PTPRM: variants seen among roughly 807,000 people sequenced by gnomAD.
PTPRM encodes the protein protein tyrosine phosphatase receptor type M.
In PTPRM, 47 loss-of-function variants were observed where a neutral mutation model predicts 186.7. The observed-to-expected ratio is 0.25, with a 90% CI of 0.20 to 0.32. The LOEUF is 0.32. Among genes scored for constraint, PTPRM ranks in the 10% least tolerant of loss-of-function variants. The pLI is 1.00. For missense variants in PTPRM, 1,494 were observed against 1,865.0 expected, an observed-to-expected ratio of 0.80 and a Z score of 3.66; for synonymous variants, 668 against 674.9, an observed-to-expected ratio of 0.99 and a Z score of 0.16.
chr18:8,215,846 A>G (rs2094076947), intron 14 of PTPRM, among the ~76,000 whole-genome samples: 1 of 151,978 alleles, frequency 6.6e-6, no homozygotes, highest in African/African-American at 2.4e-5. Context: ...CCAGGCAGCT[A>G]TTGCTTCTTA....
intron 13 of PTPRM, among the ~76,000 whole-genome samples, chr18:8,141,340 C>T (rs528324498): frequency 6.6e-6 from 1 of 152,324 alleles, no homozygotes; most frequent in South Asian, 2.1e-4. Flanking sequence ...TTGCTACCGT[C>T]ATCACGTTGC....
intron 24 of PTPRM, among the ~76,000 whole-genome samples, chr18:8,371,974 A>C (rs2095664923): frequency 1.3e-5 from 2 of 149,808 alleles, no homozygotes; most frequent in South Asian, 4.3e-4. Flanking sequence ...CTCATGTAAT[A>C]GTAGCAGGTC....
intron 11 of PTPRM, among the ~76,000 whole-genome samples, chr18:8,111,147 C>T (rs117412047): frequency 0.015 from 2,209 of 152,314 alleles, 20 homozygotes; most frequent in South Asian, 0.055. Context: ...GGCACCTGGC[C>T]TAGCACTTCC....
At chr18:8,146,501 G>GTTT (rs56070404) in intron 14 of PTPRM, among the ~76,000 whole-genome samples, 59 of 149,260 alleles carry the variant, frequency 4.0e-4, no homozygotes, top group Admixed American at 2.1e-3. Context: ...TAATGGGATT[G>GTTT]TTTTTTTTTT....
At chr18:8,071,254 T>A (rs577008882) in intron 8 of PTPRM, among the ~76,000 whole-genome samples, 1 of 152,362 alleles carries the variant, frequency 6.6e-6, no homozygotes, top group South Asian at 2.1e-4. Context: ...TGTCATCAAG[T>A]TATGGCTGGC....
chr18:8,333,774 G>T lies in PTPRM; in HGVS notation c.2957-9649G>T, dbSNP rs1044132955. 2.6e-5 allele frequency among the ~76,000 whole-genome samples: 4 copies of T among 152,112 alleles called. No homozygotes were observed. In the East Asian group the frequency reaches 7.7e-4, roughly 29 times the overall value. ...ACTGGCTGCCAGTGCCCAAAGGAGG[G>T]AGCCCAGGTTTCCTGCAGCTGCTTT... is the stretch of plus-strand genomic sequence containing the variant. On this transcript the variant is annotated intron_variant, in intron 22 of 32. Transcript: ENST00000580170.
chr18:7,743,137 G>A (rs2040916271), intron 1 of PTPRM, among the ~76,000 whole-genome samples: 1 of 152,148 alleles, frequency 6.6e-6, no homozygotes, highest in Admixed American at 6.5e-5. Context: ...CAATAGAAAG[G>A]AAAAAGTCCA....
chr18:7,737,225 A>G (rs2040789451), intron 1 of PTPRM, among the ~76,000 whole-genome samples: 1 of 151,608 alleles, frequency 6.6e-6, no homozygotes, highest in South Asian at 2.1e-4. Flanking sequence ...CCTCCCAAGT[A>G]GCTGGTATTA....
At chr18:8,035,805 A>G (rs1172496691) in intron 7 of PTPRM, among the ~76,000 whole-genome samples, 1 of 152,226 alleles carries the variant, frequency 6.6e-6, no homozygotes, top group African/African-American at 2.4e-5. Flanking sequence ...ATGCAAATTC[A>G]TCACATTGTA....
At chr18:7,636,484 A>T (rs1417246261) in intron 1 of PTPRM, among the ~76,000 whole-genome samples, 1 of 152,168 alleles carries the variant, frequency 6.6e-6, no homozygotes, top group African/African-American at 2.4e-5. Context: ...GATTGTATTC[A>T]TTCCCACAAT....
intron 7 of PTPRM, among the ~76,000 whole-genome samples, chr18:8,066,208 T>C (rs996975741): frequency 1.3e-5 from 2 of 152,204 alleles, no homozygotes; most frequent in Non-Finnish European, 2.9e-5. Context: ...TGTAAAAGAA[T>C]TGTATGAGAA....
intron 2 of PTPRM, among the ~76,000 whole-genome samples, chr18:7,791,312 G>GA (rs1159367593): frequency 2.0e-5 from 3 of 151,922 alleles, no homozygotes; most frequent in Non-Finnish European, 2.9e-5. Context: ...TTACATAATA[G>GA]AAAAAACGTA....
intron 23 of PTPRM, among the ~76,000 whole-genome samples, chr18:8,348,915 G>C (rs2095519745): frequency 6.6e-6 from 1 of 152,178 alleles, no homozygotes; most frequent in East Asian, 1.9e-4. Flanking sequence ...GGAGCTGAGA[G>C]AAGTGGGGAC....
At chr18:7,789,112 A>G (rs2043219269) in intron 2 of PTPRM, among the ~76,000 whole-genome samples, 1 of 152,190 alleles carries the variant, frequency 6.6e-6, no homozygotes, top group Non-Finnish European at 1.5e-5. Context: ...GCTTGAGCCC[A>G]GAAGTTCAGT....
intron 23 of PTPRM, among the ~76,000 whole-genome samples, chr18:8,353,619 A>G (rs572501822): frequency 6.6e-6 from 1 of 152,186 alleles, no homozygotes; most frequent in East Asian, 1.9e-4. Context: ...AAGGATATTA[A>G]CCAAGAATGG....
At chr18:7,956,413 A>T (rs1408251606) in intron 7 of PTPRM, among the ~76,000 whole-genome samples, 1 of 152,230 alleles carries the variant, frequency 6.6e-6, no homozygotes, top group African/African-American at 2.4e-5. Flanking sequence ...TACTGTTTCC[A>T]CAAGTTCAAT....
At chr18:7,758,589 T>G (rs2041619342) in intron 1 of PTPRM, among the ~76,000 whole-genome samples, 1 of 152,216 alleles carries the variant, frequency 6.6e-6, no homozygotes, top group South Asian at 2.1e-4. Context: ...CACATCTTTC[T>G]CTGACCTAAT....
chr18:8,209,037 A>C (rs2093966924), intron 14 of PTPRM, among the ~76,000 whole-genome samples: 1 of 152,206 alleles, frequency 6.6e-6, no homozygotes, highest in Admixed American at 6.5e-5. Flanking sequence ...CAGTGAAGTC[A>C]GATAGGGCAT....
intron 14 of PTPRM, among the ~76,000 whole-genome samples, chr18:8,176,128 T>C (rs2146520977): frequency 6.6e-6 from 1 of 152,348 alleles, no homozygotes; most frequent in South Asian, 2.1e-4. Flanking sequence ...TGAGCTTATA[T>C]TGTTAATAGT....
Sources: gnomAD v4.1 joint callset for allele counts (sites outside exome capture counted in the v4.1 genomes callset) on GRCh38, gnomAD v4.1.1 for gene constraint, MANE v1.5 for transcripts, NCBI Gene and HGNC (gene_info 2026-07-23, HGNC 2026-07-21) for gene names.